CRYBG3: variants seen among roughly 807,000 people sequenced by gnomAD.
CRYBG3 encodes very large A-kinase anchor protein.
CRYBG3 carries 127 observed loss-of-function variants against 244.2 expected under a neutral mutation model. That is an observed-to-expected ratio of 0.52 (90% CI 0.45 to 0.60). The LOEUF (loss-of-function observed/expected upper bound fraction) is 0.60. CRYBG3 is among the 20% of genes least tolerant of loss of function. The probability of loss-of-function intolerance (pLI) is 0.00; values close to 1 mark genes in which losing one functional copy is unlikely to be tolerated. For synonymous variants in CRYBG3, 1,132 were observed against 1,195.8 expected (o/e 0.95, Z 1.10); for missense variants, 3,325 against 3,442.5 (o/e 0.97, Z 0.85).
chr3:97,930,224 G>A (rs2040083165), intron 17 of CRYBG3, among the ~76,000 whole-genome samples: 1 of 151,930 alleles, frequency 6.6e-6, no homozygotes, highest in South Asian at 2.1e-4. Context: ...GCTGATTGTT[G>A]ACTTGGAGCA....
chr3:97,924,043 A>T (rs754958107), intron 17 of CRYBG3, among the ~76,000 whole-genome samples: 1 of 152,108 alleles, frequency 6.6e-6, no homozygotes, highest in Non-Finnish European at 1.5e-5. Context: ...CCTACCAAGT[A>T]TATATTGCTT....
chr3:97,904,218 T>C (rs569110380), intron 15 of CRYBG3, among the ~76,000 whole-genome samples: 1 of 152,262 alleles, frequency 6.6e-6, no homozygotes, highest in South Asian at 2.1e-4. Flanking sequence ...ATTATGAGAA[T>C]TGTTCTATTT....
Position 97,877,384 on chromosome 3 carries a change from A to G in CRYBG3, c.6190A>G (p.Ser2064Gly), listed in dbSNP as rs2039392701. The G allele has an allele frequency of 5.0e-6, 8 of 1,614,168 alleles. No homozygotes were observed. The highest frequency in any genetic ancestry group is 5.1e-6 in the Non-Finnish European group (6 of 1,180,002). Residue 2064 changes from serine to glycine, a missense_variant, in exon 4 of 22, where the codon AGT becomes GGT. By Grantham distance (56) the Ser-to-Gly change is moderately conservative. This residue lies in a region of CRYBG3 where 450 missense variants were observed against 424.1 expected (regional missense o/e 1.06). Transcript: ENST00000389622. ...TACTAAATTAGGTGAGACATTTGAT[A>G]GTGATAGTTCAGAAATGTTCTTATC... ...KGTKLGETFD[S>G]DSSEMFLSVE... is the part of the protein sequence containing the mutation.
In CRYBG3 at chr3:97,875,144, A is replaced by G. The variant is rs1345088413; in HGVS notation, c.3950A>G (p.Gln1317Arg). ...ELVNEIIYVA[Q>R]EKLRNDTFED... ...GTCAATGAGATTATTTATGTAGCCC[A>G]AGAAAAATTGAGAAATGATACTTTT... The change falls in exon 4 of 22, where the codon CAA becomes CGA. Residue 1317 changes from glutamine (Q) to arginine (R), a missense_variant. Around this residue, in one of 4 missense-constraint regions of CRYBG3, gnomAD observed 635 missense variants for 771.7 expected, o/e 0.82. Transcript: ENST00000389622. 2 of 1,535,322 alleles carry G rather than the reference A, an allele frequency of 1.3e-6. No homozygotes were observed. Among genetic ancestry groups the G allele is most frequent in the Non-Finnish European group, 1.7e-6 (2 of 1,146,462 alleles).
At chr3:97,901,530 T>G (rs1249978528) in intron 15 of CRYBG3, among the ~76,000 whole-genome samples, 1 of 152,228 alleles carries the variant, frequency 6.6e-6, no homozygotes, top group Non-Finnish European at 1.5e-5. Context: ...ATTTCCTTTC[T>G]GAATATAATT....
At chr3:97,824,771 A>G (rs577227671) in intron 1 of CRYBG3, among the ~76,000 whole-genome samples, 1 of 152,316 alleles carries the variant, frequency 6.6e-6, no homozygotes, top group Admixed American at 6.5e-5. Flanking sequence ...GGAAATGCTT[A>G]TATTAATTTA....
At chr3:97,940,255 G>T (rs760529871) in intron 19 of CRYBG3, among the ~76,000 whole-genome samples, 1 of 151,896 alleles carries the variant, frequency 6.6e-6, no homozygotes, top group Non-Finnish European at 1.5e-5. Flanking sequence ...TTTGGAATTC[G>T]TCTCTTATTC....
At chr3:97,912,088 A>G in intron 15 of CRYBG3, 79 bp from the exon 16 acceptor site, 1 of 620,980 alleles carries the variant, frequency 1.6e-6, no homozygotes, top group Non-Finnish European at 2.7e-6. Context: ...TAAATTCATG[A>G]AATTAAAGGT....
chr3:97,839,771 A>G (rs1311174848), intron 1 of CRYBG3, among the ~76,000 whole-genome samples: 1 of 148,304 alleles, frequency 6.7e-6, no homozygotes, highest in South Asian at 2.1e-4. Flanking sequence ...TTTTTTTGTC[A>G]AGACAAGGTT....
At chr3:97,823,238 T>C (rs577609491) in intron 1 of CRYBG3, among the ~76,000 whole-genome samples, 56 of 152,294 alleles carry the variant, frequency 3.7e-4, no homozygotes, top group African/African-American at 1.3e-3. Flanking sequence ...CTTAAACTTA[T>C]GAGAGGCTTA....
At chr3:97,829,622 G>T (rs1274800821) in intron 1 of CRYBG3, among the ~76,000 whole-genome samples, 1 of 152,178 alleles carries the variant, frequency 6.6e-6, no homozygotes, top group Non-Finnish European at 1.5e-5. Context: ...AAATGCTTTG[G>T]TTAATTCTTC....
Position 97,888,327 on chromosome 3 carries a change from C to T in CRYBG3, c.7290-14C>T, listed in dbSNP as rs761125986. On this transcript the variant is annotated splice_polypyrimidine_tract_variant and intron_variant, in intron 8 of 21. Coordinates refer to ENST00000389622, the MANE Select transcript of CRYBG3 (RefSeq NM_153605.4). ...GTACTATTATACTTTAACTAACTAT[C>T]TATTTTTATATAGTTGGCTTGCCTA... 1.4e-6 allele frequency: 2 copies of T among 1,452,700 alleles called. No individual in the cohort carries two copies. Among genetic ancestry groups the T allele is most frequent in the East Asian group, 2.3e-5 (1 of 44,006 alleles). The allele number at this position is 1,452,700 out of a possible 1,614,324, so 90.0% of individuals were successfully genotyped here. A position where few individuals can be genotyped will look rare whatever the true frequency, so the allele number is the denominator to read the frequency against.
chr3:97,884,367 G>T (rs2039484244), intron 7 of CRYBG3, among the ~76,000 whole-genome samples: 1 of 151,958 alleles, frequency 6.6e-6, no homozygotes, highest in Non-Finnish European at 1.5e-5. Flanking sequence ...TTTTTTAAAA[G>T]ATATGACATC....
At position 97,873,810 on chromosome 3, in the gene CRYBG3, G is replaced by T. The variant is rs1302864546; in HGVS notation, c.2616G>T (p.Leu872Phe). 1 of 1,532,748 alleles carries T rather than the reference G, an allele frequency of 6.5e-7. No individual in the cohort carries two copies. The highest frequency in any genetic ancestry group is 2.4e-5 in the East Asian group (1 of 40,892). The allele number at this position is 1,532,748 out of a possible 1,614,324, so 94.9% of individuals were successfully genotyped here. ...KITHVPEKPI[L>F]SELTFLEVEQ... ...CCCATGTTCCAGAAAAGCCTATTTT[G>T]TCAGAATTAACCTTTCTAGAAGTTG... The change falls in exon 4 of 22, where the codon TTG becomes TTT. Residue 872 changes from leucine to phenylalanine, a missense_variant. This residue lies in a region of CRYBG3 where 1,526 missense variants were observed against 1,443.2 expected (regional missense o/e 1.06). Transcript: ENST00000389622.
rs2039194487 is a variant in CRYBG3 at position 97,864,372 on chromosome 3, T to G, written c.372T>G (p.Phe124Leu). 3.9e-6 allele frequency: 6 copies of G among 1,535,846 alleles called. No individual in the cohort carries two copies. Among genetic ancestry groups the G allele is most frequent in the Non-Finnish European group, 5.2e-6 (6 of 1,146,834 alleles). ...DRQPKESFFQFLGNLFNISGK... is the reference protein window; with the variant it reads ...DRQPKESFFQLLGNLFNISGK... Reference sequence around the variant, plus strand: ...AGCCAAAAGAAAGCTTTTTTCAGTTTCTTGGTAACTTATTCAATATCTCGG... The same window carrying G: ...AGCCAAAAGAAAGCTTTTTTCAGTTGCTTGGTAACTTATTCAATATCTCGG... Residue 124 changes from phenylalanine to leucine, a missense_variant, in exon 3 of 22, where the codon TTT becomes TTG. Transcript: ENST00000389622.
chr3:97,926,993 G>A (rs551750484), intron 17 of CRYBG3, among the ~76,000 whole-genome samples: 18 of 152,034 alleles, frequency 1.2e-4, no homozygotes, highest in South Asian at 2.1e-4. Flanking sequence ...CATACTGCCC[G>A]AAGCTATTTA....
chr3:97,892,277 G>A (rs560362102), intron 10 of CRYBG3, among the ~76,000 whole-genome samples: 8 of 152,090 alleles, frequency 5.3e-5, no homozygotes, highest in Non-Finnish European at 1.0e-4. Flanking sequence ...ACCAACTGAG[G>A]TATCTGTGGT....
intron 16 of CRYBG3, among the ~76,000 whole-genome samples, chr3:97,915,318 C>T (rs1047032305): frequency 6.6e-6 from 1 of 152,114 alleles, no homozygotes; most frequent in African/African-American, 2.4e-5. Context: ...CCTTACCTTT[C>T]TAATCCTTAC....
Position 97,873,977 on chromosome 3 carries a change from C to T in CRYBG3, c.2783C>T (p.Ala928Val). ...GATAAGCCAGAACCAGAGGTAGATG[C>T]CTTAGGCTCTCCTCCTGCTCTTCTT... ...YEDKPEPEVDALGSPPALLKS... is the reference protein window; with the variant it reads ...YEDKPEPEVDVLGSPPALLKS... Residue 928 changes from alanine (A) to valine (V), a missense_variant, in exon 4 of 22, where the codon GCC becomes GTC. Transcript: ENST00000389622. The T allele has an allele frequency of 6.5e-7, 1 of 1,534,530 alleles. No homozygotes were observed. Among genetic ancestry groups the T allele is most frequent in the African/African-American group, 1.4e-5 (1 of 73,038 alleles).
Sources: allele counts gnomAD v4.1 joint callset (sites outside exome capture counted in the v4.1 genomes callset), GRCh38; gene constraint gnomAD v4.1.1; regional missense constraint gnomAD v4.1.1; transcripts MANE v1.5; gene names NCBI Gene and HGNC (gene_info 2026-07-23, HGNC 2026-07-21).